Variants in CORIN observed in about 807,000 individuals in gnomAD.
The protein encoded by CORIN is corin, serine peptidase.
Under a neutral mutation model 125.3 loss-of-function variants are expected in CORIN, and 117 were observed. That is an observed-to-expected ratio of 0.93 (90% CI 0.80 to 1.09). The LOEUF (loss-of-function observed/expected upper bound fraction) is 1.09, where lower values mean the gene tolerates loss of function less well. CORIN is among the 50% of genes least tolerant of loss of function. The pLI is 0.00. For synonymous variants in CORIN, 450 were observed against 466.4 expected, an observed-to-expected ratio of 0.96 and a Z score of 0.45; for missense variants, 1,253 against 1,306.7, an observed-to-expected ratio of 0.96 and a Z score of 0.63.
intron 6 of CORIN, among the ~76,000 whole-genome samples, chr4:47,688,622 A>C (rs1725630567): frequency 6.6e-6 from 1 of 152,166 alleles, no homozygotes; most frequent in African/African-American, 2.4e-5. Flanking sequence ...TTTAAAAAAC[A>C]TATTTAATAG....
rs940274996 is a variant in CORIN at position 47,631,154 on chromosome 4, C to A, written c.2199-4633G>T. On this transcript the variant is annotated intron_variant, in intron 16 of 21. Coordinates refer to ENST00000273857, the MANE Select transcript of CORIN (RefSeq NM_006587.4). Reference sequence around the variant, plus strand: ...GTTTTGTAACATCCCTGGCTTCTACCCACTAGCAAGTAAGACCCCATCAAC... The same window carrying A: ...GTTTTGTAACATCCCTGGCTTCTACACACTAGCAAGTAAGACCCCATCAAC... Among the ~76,000 whole-genome samples the A allele has an allele frequency of 2.1e-5, 3 of 140,176 alleles. No individual in the cohort carries two copies. The East Asian group carries it at 5.9e-4, about 28-fold the overall frequency. 92.0% of individuals were successfully genotyped at this position (140,176 alleles called of 152,430 possible).
In CORIN at chr4:47,674,929, AG is replaced by A. The variant is rs1724946518; in HGVS notation, c.1250-430del. ...TGCTCCCAATTCTAGTCTCCCTCTA[AG>A]GAAAATGCTTTCTCTAGTAATAAAT... On this transcript the variant is annotated intron_variant, in intron 9 of 21. Coordinates refer to ENST00000273857, the MANE Select transcript of CORIN (RefSeq NM_006587.4). 2.0e-5 allele frequency among the ~76,000 whole-genome samples: 3 copies of A among 152,332 alleles called. No individual in the cohort carries two copies. The Middle Eastern group carries it at 0.01, about 518-fold the overall frequency.
chr4:47,722,903 A>G (rs959409006), intron 5 of CORIN, among the ~76,000 whole-genome samples: 7 of 152,192 alleles, frequency 4.6e-5, no homozygotes, highest in African/African-American at 7.2e-5. Context: ...TTAAAGAAAG[A>G]GTAATAAGGA....
intron 5 of CORIN, chr4:47,706,789 T>G: frequency 1.3e-6 from 2 of 1,598,270 alleles, no homozygotes; most frequent in Non-Finnish European, 8.5e-7. Flanking sequence ...ATCCATTCCA[T>G]AAAGCTATCA....
At chr4:47,801,248 T>A (rs1577934949) in intron 2 of CORIN, among the ~76,000 whole-genome samples, 1 of 152,304 alleles carries the variant, frequency 6.6e-6, no homozygotes, top group East Asian at 1.9e-4. Flanking sequence ...CCCATAAGTA[T>A]CTCTAATACA....
At chr4:47,770,405 G>C (rs1385172314) in intron 3 of CORIN, among the ~76,000 whole-genome samples, 1 of 152,072 alleles carries the variant, frequency 6.6e-6, no homozygotes, top group African/African-American at 2.4e-5. Flanking sequence ...AGAAAAGGGA[G>C]CATTTGCACA....
chr4:47,614,542 A>T (rs567188131), intron 19 of CORIN, among the ~76,000 whole-genome samples: 46 of 152,316 alleles, frequency 3.0e-4, no homozygotes, highest in African/African-American at 1.1e-3. Flanking sequence ...ATCTTCAGAC[A>T]ATACCCAGAT....
intron 1 of CORIN, among the ~76,000 whole-genome samples, chr4:47,826,717 C>CTTTTGACAA: frequency 6.6e-6 from 1 of 152,240 alleles, no homozygotes; most frequent in Admixed American, 6.5e-5. Flanking sequence ...TGCAAAGTCC[C>CTTTTGACAA]TTTTGACATA....
At chr4:47,784,106 GTATGC>G (rs1730675734) in intron 3 of CORIN, among the ~76,000 whole-genome samples, 1 of 151,996 alleles carries the variant, frequency 6.6e-6, no homozygotes, top group Non-Finnish European at 1.5e-5. Context: ...GAAAAATGGG[GTATGC>G]TACTACCTGT....
At chr4:47,624,680 A>G (rs1335762578) in intron 17 of CORIN, among the ~76,000 whole-genome samples, 12 of 152,322 alleles carry the variant, frequency 7.9e-5, no homozygotes, top group African/African-American at 1.9e-4. Flanking sequence ...ATGCAAGAAC[A>G]TGGTCCCTGT....
chr4:47,665,006 G>T (rs369702792), intron 11 of CORIN, 26 bp downstream of exon 11: 2 of 1,512,496 alleles, frequency 1.3e-6, no homozygotes, highest in South Asian at 1.1e-5. Flanking sequence ...CAAAATAAGG[G>T]ACTGGGGTAG....
At chr4:47,692,252 T>C (rs1254638659) in intron 6 of CORIN, among the ~76,000 whole-genome samples, 1 of 152,242 alleles carries the variant, frequency 6.6e-6, no homozygotes, top group Non-Finnish European at 1.5e-5. Flanking sequence ...GATACTTCTG[T>C]TTTGAATACA....
At chr4:47,614,352 T>C (rs1017220420) in intron 19 of CORIN, among the ~76,000 whole-genome samples, 2 of 152,120 alleles carry the variant, frequency 1.3e-5, no homozygotes, top group South Asian at 2.1e-4. Flanking sequence ...CCCACCACCA[T>C]GCCTGGCTAA....
intron 1 of CORIN, among the ~76,000 whole-genome samples, chr4:47,819,516 G>A (rs1732411991): frequency 1.3e-5 from 2 of 152,144 alleles, no homozygotes; most frequent in Non-Finnish European, 2.9e-5. Context: ...ATCTCTTTAC[G>A]AGGAGTAATA....
intron 19 of CORIN, among the ~76,000 whole-genome samples, chr4:47,610,946 T>C (rs1055863223): frequency 6.6e-6 from 1 of 151,946 alleles, no homozygotes; most frequent in East Asian, 1.9e-4. Flanking sequence ...GTTCCATTGG[T>C]CTATGTGTCT....
chr4:47,836,434 G>T (rs1733413723), intron 1 of CORIN, among the ~76,000 whole-genome samples: 1 of 152,162 alleles, frequency 6.6e-6, no homozygotes, highest in Non-Finnish European at 1.5e-5. Flanking sequence ...ATAATCACCA[G>T]TAAGTCCTGA....
At chr4:47,773,417 C>T (rs1730148495) in intron 3 of CORIN, among the ~76,000 whole-genome samples, 1 of 152,098 alleles carries the variant, frequency 6.6e-6, no homozygotes, top group South Asian at 2.1e-4. Context: ...GATTTGAGTA[C>T]GGGAGTAATG....
chr4:47,649,176 T>C, intron 13 of CORIN, among the ~76,000 whole-genome samples: 1 of 152,194 alleles, frequency 6.6e-6, no homozygotes, highest in Non-Finnish European at 1.5e-5. Context: ...GCTCTTCACA[T>C]ATGGGTGGCC....
intron 19 of CORIN, among the ~76,000 whole-genome samples, chr4:47,604,550 T>G (rs12642238): frequency 0.63 from 95,961 of 152,138 alleles, 31,316 homozygotes; most frequent in African/African-American, 0.79. Context: ...CAGTATTTAA[T>G]CATTCAGGAT....
Sources: allele counts gnomAD v4.1 joint callset (sites outside exome capture counted in the v4.1 genomes callset), GRCh38; gene constraint gnomAD v4.1.1; transcripts MANE v1.5; gene names NCBI Gene and HGNC (gene_info 2026-07-23, HGNC 2026-07-21).